The following GAD1 variants were observed in gnomAD, a reference collection of about 807,000 sequenced individuals.
GAD1 encodes the protein 67 kDa glutamic acid decarboxylase.
In GAD1, 35 loss-of-function variants were observed where a neutral mutation model predicts 75.2. The ratio of observed to expected loss-of-function variants is 0.47; its 90% CI spans 0.36 to 0.62. The LOEUF is 0.62. Among genes scored for constraint, GAD1 ranks in the 20% least tolerant of loss-of-function variants. The pLI is 0.00. For synonymous variants in GAD1, 257 were observed against 271.9 expected (o/e 0.95, Z 0.54); for missense variants, 490 against 758.5 (o/e 0.65, Z 4.16).
At chr2:170,844,233 G>T in intron 7 of GAD1, 76 bp downstream of exon 7, 2 of 854,314 alleles carry the variant, frequency 2.3e-6, no homozygotes, top group Non-Finnish European at 4.0e-6. Flanking sequence ...GTTTATGGAA[G>T]AATAATGCCT....
In GAD1 at chr2:170,831,203, G is replaced by C. The variant is rs746939607; in HGVS notation, c.547+11G>C. On this transcript the variant is annotated intron_variant, in intron 5 of 16. Coordinates refer to ENST00000358196, the MANE Select transcript of GAD1 (RefSeq NM_000817.3). ...ATGGGGTTCGCACAGGTAAGGAGGA[G>C]AGTTGGGTAGACAGGTAGTGGCAAC... is the stretch of plus-strand genomic sequence containing the variant. 6.2e-7 allele frequency: 1 copy of C among 1,613,930 alleles called. No homozygotes were observed. Among genetic ancestry groups the C allele is most frequent in the Non-Finnish European group, 8.5e-7 (1 of 1,179,952 alleles).
rs1226713915 is a variant in GAD1, at chr2:170,858,882, A to G, written c.1600A>G (p.Lys534Glu). ...GCCAGACAGCCCTCAACGACGGGAAAAGCTACACAAGGTATGGACTTGCTT... is the reference window on the plus strand; with the variant it reads ...GCCAGACAGCCCTCAACGACGGGAAGAGCTACACAAGGTATGGACTTGCTT... ...GVPDSPQRRE[K>E]LHKVAPKIKA... is the part of the protein sequence containing the mutation. Residue 534 changes from lysine (K) to glutamate (E), a missense_variant, in exon 16 of 17, where the codon AAG becomes GAG. Transcript: ENST00000358196. 2 of 1,614,134 alleles carry G rather than the reference A, an allele frequency of 1.2e-6. No individual in the cohort carries two copies. The highest frequency in any genetic ancestry group is 1.7e-6 in the Non-Finnish European group (2 of 1,179,978).
chr2:170,844,789 G>A (rs1414058601), intron 7 of GAD1, among the ~76,000 whole-genome samples: 2 of 152,220 alleles, frequency 1.3e-5, no homozygotes, highest in Admixed American at 1.3e-4. Context: ...GTCAGAGACA[G>A]TGTGATTGTG....
intron 16 of GAD1, among the ~76,000 whole-genome samples, chr2:170,859,379 T>C (rs1702915235): frequency 6.6e-6 from 1 of 152,210 alleles, no homozygotes; most frequent in South Asian, 2.1e-4. Flanking sequence ...ACACAGTCTG[T>C]GTGCCAGGCA....
At chr2:170,856,946 G>A in intron 14 of GAD1, 72 bp from the exon 15 acceptor site, 1 of 1,171,950 alleles carries the variant, frequency 8.5e-7, no homozygotes, top group Non-Finnish European at 1.3e-6. Flanking sequence ...CATAGACAGG[G>A]ACAGCATAGC....
chr2:170,832,763 A>G (rs193185427), intron 5 of GAD1, among the ~76,000 whole-genome samples: 1 of 152,108 alleles, frequency 6.6e-6, no homozygotes, highest in East Asian at 1.9e-4. Flanking sequence ...ACCAAATTCT[A>G]TTTCCAGTGG....
chr2:170,837,425 C>A lies in GAD1; in HGVS notation c.638+542C>A, dbSNP rs184746695. 9.8e-4 allele frequency among the ~76,000 whole-genome samples: 150 copies of A among 152,292 alleles called. 2 individuals carry two copies. The highest frequency in any genetic ancestry group is 1.5e-4 in the Non-Finnish European group (10 of 68,032). The stretch of plus-strand genomic sequence containing the variant: ...ATTTTTTCATACTTGTTTGTGTAGG[C>A]AAAGCCTTCCTTTGTTTCTAAGTTC... On this transcript the variant is annotated intron_variant, in intron 6 of 16. Coordinates refer to ENST00000358196, the MANE Select transcript of GAD1 (RefSeq NM_000817.3).
At position 170,829,690 on chromosome 2, in the gene GAD1, C is replaced by A. The variant is rs180977300; in HGVS notation, c.304+57C>A. 1.6e-4 allele frequency: 248 copies of A among 1,579,294 alleles called. 2 individuals carry two copies. In the African/African-American group the frequency reaches 2.9e-3, roughly 18 times the overall value. ...GCCAGTAGATTTCTTATTTGAGTTT[C>A]TTGACTTTTTCCTGCAATTTTACTT... On this transcript the variant is annotated intron_variant, in intron 4 of 16. Coordinates refer to ENST00000358196, the MANE Select transcript of GAD1 (RefSeq NM_000817.3).
At chr2:170,847,943 C>T (rs1332550617) in intron 11 of GAD1, 151 bp downstream of exon 11, 3 of 744,002 alleles carry the variant, frequency 4.0e-6, no homozygotes, top group African/African-American at 3.4e-5. Context: ...CAGCCATTCA[C>T]AACTGGTACA....
Position 170,818,667 on chromosome 2 carries a change from C to G in GAD1, c.76C>G (p.Pro26Ala), listed in dbSNP as rs754605789. Residue 26 changes from proline (P) to alanine (A), a missense_variant, in exon 2 of 17, where the codon CCC (proline) becomes GCC (alanine). By Grantham distance (27) the Pro-to-Ala change is conservative (BLOSUM62 -1). Transcript: ENST00000358196. This position sits in a 1 kb window ranked among gnomAD's most constrained non-coding sequence, Gnocchi z 5.9. ...GADPNTTNLR[P>A]TTYDTWCGVA... ...GGACCCCAATACCACTAACCTGCGC[C>G]CCACAAGTAGGTCCCGCCCCAATTT... 6.2e-7 allele frequency: 1 copy of G among 1,613,980 alleles called. No homozygotes were observed. Among genetic ancestry groups the G allele is most frequent in the East Asian group, 2.2e-5 (1 of 44,894 alleles).
rs886055095 is a variant in GAD1, at chr2:170,816,936, G to C, written c.-176G>C. On this transcript the variant is annotated 5_prime_UTR_variant, in exon 1 of 17. Coordinates refer to ENST00000358196, the MANE Select transcript of GAD1 (RefSeq NM_000817.3). The stretch of plus-strand genomic sequence containing the variant: ...AGAGGGAACTAGCGAGAACGAGGAA[G>C]CAGCTGGAGGTGACGCCGGGCAGAT... 41 of 188,190 alleles carry C rather than the reference G, an allele frequency of 2.2e-4. No individual in the cohort carries two copies. The highest frequency in any genetic ancestry group is 3.6e-4 in the Non-Finnish European group (33 of 90,800). The allele number at this position is 188,190 out of a possible 1,614,324, so 11.7% of individuals were successfully genotyped here.
Position 170,853,664 on chromosome 2 carries a change from C to T in GAD1, c.1264-209C>T, listed in dbSNP as rs987897200. 22 of 564,410 alleles carry T rather than the reference C, an allele frequency of 3.9e-5. No individual in the cohort carries two copies. The highest frequency in any genetic ancestry group is 6.7e-5 in the Non-Finnish European group (21 of 311,612). 35.0% of individuals were successfully genotyped at this position (564,410 alleles called of 1,614,324 possible). On this transcript the variant is annotated intron_variant, in intron 13 of 16. Coordinates refer to ENST00000358196, the MANE Select transcript of GAD1 (RefSeq NM_000817.3). This position sits in a 1 kb window ranked among gnomAD's most constrained non-coding sequence, Gnocchi z 4.1. ...GCATCTGAGACGGAAAGATCATCTT[C>T]TAATCAGAGAGTCAGAGACAAAAGG...
At chr2:170,834,832 G>A (rs536463342) in intron 5 of GAD1, among the ~76,000 whole-genome samples, 3 of 150,532 alleles carry the variant, frequency 2.0e-5, no homozygotes, top group South Asian at 2.1e-4. Context: ...GTGCAGTGGC[G>A]TGATCTCGGC....
chr2:170,843,975 C>T (rs1043428289), intron 6 of GAD1, 70 bp from the exon 7 acceptor site: 1 of 841,754 alleles, frequency 1.2e-6, no homozygotes, highest in African/African-American at 1.7e-5. Context: ...TAAACCAATC[C>T]TCTGTGTTCC....
At chr2:170,814,224 C>T (rs1288375649), upstream of GAD1, among the ~76,000 whole-genome samples, 1 of 152,192 alleles carries the variant, frequency 6.6e-6, no homozygotes, top group Non-Finnish European at 1.5e-5. Flanking sequence ...GGGCGAAATA[C>T]CTCACCCCCC....
upstream of GAD1, among the ~76,000 whole-genome samples, chr2:170,813,696 G>C (rs902192554): frequency 6.6e-6 from 1 of 152,146 alleles, no homozygotes; most frequent in Admixed American, 6.5e-5. Context: ...TGCAGAAAAG[G>C]CTTGGCCCCA....
chr2:170,818,608 C>T lies in GAD1; in HGVS notation c.17C>T (p.Pro6Leu), dbSNP rs886055098. 6.2e-7 allele frequency: 1 copy of T among 1,614,178 alleles called. No homozygotes were observed. The stretch of plus-strand genomic sequence containing the variant: ...ACCGAGCTGATGGCGTCTTCGACCC[C>T]ATCTTCGTCCGCAACCTCCTCGAAC... The part of the protein sequence containing the change: MASST[P>L]SSSATSSNAG... The change falls in exon 2 of 17, where the codon CCA (proline) becomes CTA (leucine). Residue 6 changes from proline to leucine, a missense_variant. Transcript: ENST00000358196. The surrounding 1 kb of genome is among the most constrained non-coding windows in gnomAD (Gnocchi z 5.9).
chr2:170,830,910 T>C, intron 4 of GAD1, 40 bp from the exon 5 acceptor site: 1 of 1,613,948 alleles, frequency 6.2e-7, no homozygotes, highest in East Asian at 2.2e-5. Context: ...AATCTAGATA[T>C]GAGTCAGGTG....
chr2:170,830,748 G>A (rs560109599), intron 4 of GAD1, among the ~76,000 whole-genome samples: 1 of 152,316 alleles, frequency 6.6e-6, no homozygotes, highest in African/African-American at 2.4e-5. Context: ...CAGAAAGGCT[G>A]TGAACCCCCA....
Sources: allele counts gnomAD v4.1 joint callset (sites outside exome capture counted in the v4.1 genomes callset), GRCh38; gene constraint gnomAD v4.1.1; non-coding constraint Gnocchi (gnomAD v3.1); transcripts MANE v1.5; gene names NCBI Gene and HGNC (gene_info 2026-07-23, HGNC 2026-07-21).